DLG2: variants seen among roughly 807,000 people sequenced by gnomAD.
DLG2 encodes disks large homolog 2.
DLG2 carries 45 observed loss-of-function variants against 132.5 expected under a neutral mutation model. The ratio of observed to expected loss-of-function variants is 0.34; its 90% CI spans 0.27 to 0.44. The LOEUF is 0.44. Ranked by LOEUF, DLG2 falls within the 20% of genes least tolerant of loss-of-function variation. The pLI is 1.00. For missense variants in DLG2, 1,045 were observed against 1,196.9 expected (o/e 0.87, Z 1.87); for synonymous variants, 424 against 419.6 (o/e 1.01, Z -0.13).
intron 6 of DLG2, chr11:85,021,095 C>T: frequency 2.6e-6 from 2 of 777,930 alleles, no homozygotes; most frequent in Admixed American, 1.7e-5. Context: ...TGGTCAACTC[C>T]TTCTTAATTG....
chr11:85,307,067 T>C (rs1207044754), intron 3 of DLG2, among the ~76,000 whole-genome samples: 2 of 152,166 alleles, frequency 1.3e-5, no homozygotes, highest in Non-Finnish European at 2.9e-5. Context: ...ACAATTGAAC[T>C]GAATAAACTA....
At chr11:83,592,238 A>G (rs1458800855) in intron 19 of DLG2, among the ~76,000 whole-genome samples, 1 of 151,270 alleles carries the variant, frequency 6.6e-6, no homozygotes, top group Non-Finnish European at 1.5e-5. Flanking sequence ...CCTGACTTCA[A>G]ACTATACTAC....
intron 6 of DLG2, among the ~76,000 whole-genome samples, chr11:84,684,377 T>C (rs1410679796): frequency 6.6e-6 from 1 of 152,188 alleles, no homozygotes; most frequent in Non-Finnish European, 1.5e-5. Flanking sequence ...TACAACTTTC[T>C]TTTTCTTGTT....
rs577608129 is a variant in DLG2, at chr11:84,842,253, T to G, written c.357+269408A>C. 2.0e-5 allele frequency among the ~76,000 whole-genome samples: 3 copies of G among 152,108 alleles called. No homozygotes were observed. The South Asian group carries it at 6.2e-4, about 32-fold the overall frequency. ...CATTATTCAAAATACTTTACCTGAA[T>G]TATCTCTGCTTCTCATAACAATCTT... On this transcript the variant is annotated intron_variant, in intron 6 of 27. Transcript: ENST00000376104.
At chr11:83,595,831 C>T (rs1161647647) in intron 19 of DLG2, among the ~76,000 whole-genome samples, 4 of 152,206 alleles carry the variant, frequency 2.6e-5, no homozygotes, top group African/African-American at 7.2e-5. Context: ...AAAAGTCTGC[C>T]ATTATCAATT....
At chr11:84,887,350 A>C (rs1266264896) in intron 6 of DLG2, 1 of 152,186 alleles carries the variant, frequency 6.6e-6, no homozygotes, top group African/African-American at 2.4e-5. Context: ...CTGATTTATG[A>C]AAGTGAAAAT....
chr11:85,123,542 A>G (rs1290304054), intron 5 of DLG2, among the ~76,000 whole-genome samples: 1 of 152,228 alleles, frequency 6.6e-6, no homozygotes, highest in African/African-American at 2.4e-5. Context: ...AACCATGACA[A>G]CTGGGATAGT....
intron 19 of DLG2, among the ~76,000 whole-genome samples, chr11:83,598,017 G>A (rs949718028): frequency 5.3e-5 from 8 of 152,236 alleles, no homozygotes; most frequent in Non-Finnish European, 1.0e-4. Flanking sequence ...AGTCAGGCAA[G>A]AGAGAGTCAT....
At chr11:84,504,691 C>T (rs1326027758) in intron 7 of DLG2, among the ~76,000 whole-genome samples, 1 of 151,868 alleles carries the variant, frequency 6.6e-6, no homozygotes, top group Non-Finnish European at 1.5e-5. Context: ...AACATTGAAA[C>T]CTTCATGTGG....
At chr11:84,554,836 T>C (rs1329572693) in intron 6 of DLG2, among the ~76,000 whole-genome samples, 1 of 152,154 alleles carries the variant, frequency 6.6e-6, no homozygotes, top group Non-Finnish European at 1.5e-5. Context: ...TTAGAGAATG[T>C]CAAGGATGCT....
At chr11:83,944,653 C>A (rs1434698425) in intron 14 of DLG2, among the ~76,000 whole-genome samples, 1 of 152,148 alleles carries the variant, frequency 6.6e-6, no homozygotes, top group Non-Finnish European at 1.5e-5. Flanking sequence ...TATATCTAAC[C>A]AATCCGGAAT....
intron 7 of DLG2, among the ~76,000 whole-genome samples, chr11:84,489,146 A>G (rs895985026): frequency 3.1e-4 from 47 of 152,040 alleles, no homozygotes; most frequent in African/African-American, 1.1e-3. Context: ...GCATGGCTTT[A>G]TGTTTGGGAC....
chr11:85,142,394 T>C (rs2076552808), intron 5 of DLG2, among the ~76,000 whole-genome samples: 1 of 151,830 alleles, frequency 6.6e-6, no homozygotes, highest in Non-Finnish European at 1.5e-5. Flanking sequence ...CTAATACTTT[T>C]TGTATGTTGA....
intron 15 of DLG2, among the ~76,000 whole-genome samples, chr11:83,914,765 A>C (rs1360540302): frequency 6.6e-6 from 1 of 152,158 alleles, no homozygotes; most frequent in Non-Finnish European, 1.5e-5. Context: ...GGAGACAACA[A>C]TCTGAATGGT....
intron 11 of DLG2, among the ~76,000 whole-genome samples, chr11:84,034,599 A>C (rs1447902757): frequency 3.3e-5 from 5 of 152,106 alleles, no homozygotes; most frequent in Non-Finnish European, 5.9e-5. Flanking sequence ...CCTCAATATG[A>C]TTTAGAATGG....
chr11:83,961,880 C>A (rs992594370), intron 14 of DLG2, among the ~76,000 whole-genome samples: 2 of 152,014 alleles, frequency 1.3e-5, no homozygotes, highest in African/African-American at 4.8e-5. Context: ...CATGGATGCA[C>A]ATTTTCAGCG....
At chr11:84,953,191 T>C (rs938927139) in intron 6 of DLG2, among the ~76,000 whole-genome samples, 5 of 152,316 alleles carry the variant, frequency 3.3e-5, no homozygotes, top group African/African-American at 9.6e-5. Flanking sequence ...TGAGGTGGAA[T>C]TGGGGGTGTT....
At chr11:84,544,424 T>C (rs965881238) in intron 6 of DLG2, among the ~76,000 whole-genome samples, 3 of 152,198 alleles carry the variant, frequency 2.0e-5, no homozygotes, top group South Asian at 2.1e-4. Context: ...AAGAATTGGA[T>C]AGATTAAACA....
chr11:84,182,014 C>A (rs548068835), intron 8 of DLG2, among the ~76,000 whole-genome samples: 9 of 152,242 alleles, frequency 5.9e-5, no homozygotes, highest in African/African-American at 1.9e-4. Flanking sequence ...TCCATGGAAC[C>A]ATCACACAAC....
Sources: allele counts gnomAD v4.1 joint callset (sites outside exome capture counted in the v4.1 genomes callset), GRCh38; gene constraint gnomAD v4.1.1; transcripts MANE v1.5; gene names NCBI Gene and HGNC (gene_info 2026-07-23, HGNC 2026-07-21).